Variants in HK1 observed in about 807,000 individuals in gnomAD.
The protein encoded by HK1 is hexokinase-1.
HK1 carries 28 observed loss-of-function variants against 91.6 expected under a neutral mutation model. That is an observed-to-expected ratio of 0.31 (90% confidence interval 0.23 to 0.42). The LOEUF is 0.42. HK1 is among the 10% of genes least tolerant of loss of function. The pLI is 1.00. For missense variants in HK1, 770 were observed against 1,219.8 expected (o/e 0.63, Z 5.49); for synonymous variants, 430 against 468.1 (o/e 0.92, Z 1.05).
chr10:69,288,652 G>T, intron 2 of HK1: 1 of 1,177,084 alleles, frequency 8.5e-7, no homozygotes. Context: ...TGCCTTCTTT[G>T]AACTTGGCCT....
At chr10:69,376,158 C>G (rs975447031) in intron 7 of HK1, among the ~76,000 whole-genome samples, 1 of 152,194 alleles carries the variant, frequency 6.6e-6, no homozygotes, top group African/African-American at 2.4e-5. Flanking sequence ...TTTACCCTTT[C>G]TGAGCTGGGA....
chr10:69,323,650 A>G (rs1210589972), intron 1 of HK1, among the ~76,000 whole-genome samples: 1 of 151,888 alleles, frequency 6.6e-6, no homozygotes, highest in Non-Finnish European at 1.5e-5. Flanking sequence ...TGCCTTTCCT[A>G]CCTTAGATAC....
At chr10:69,329,261 C>G (rs1847563505) in intron 1 of HK1, among the ~76,000 whole-genome samples, 1 of 151,712 alleles carries the variant, frequency 6.6e-6, no homozygotes, top group Admixed American at 6.6e-5. Flanking sequence ...CTCCCGGGTT[C>G]AAGTGATTCT....
chr10:69,382,007 G>A (rs1006564238), intron 9 of HK1, among the ~76,000 whole-genome samples: 26 of 152,256 alleles, frequency 1.7e-4, no homozygotes, highest in African/African-American at 6.3e-4. Context: ...GATTATGAAC[G>A]ATTTCATTTT....
rs139585002 is a variant in HK1 at position 69,389,964 on chromosome 10, C to T, written c.2035+668C>T. On this transcript the variant is annotated intron_variant, in intron 14 of 17. Transcript: ENST00000359426. The stretch of plus-strand genomic sequence containing the variant: ...CATTTGTCCTGCTGGCCCTGCTCCT[C>T]GCGTCAGGGGATGCTGGGAAAGACC... Among the ~76,000 whole-genome samples, 947 of 152,270 alleles carry T rather than the reference C, an allele frequency of 6.2e-3. 7 individuals carry two copies. The highest frequency in any genetic ancestry group is 0.021 in the African/African-American group (879 of 41,546).
chr10:69,381,652 C>T (rs1235663704), intron 9 of HK1, among the ~76,000 whole-genome samples: 2 of 150,674 alleles, frequency 1.3e-5, no homozygotes, highest in Non-Finnish European at 2.9e-5. Flanking sequence ...CTCCCAGGTT[C>T]CAGCAATTCT....
intron 4 of HK1, among the ~76,000 whole-genome samples, chr10:69,366,522 T>TA (rs1849708810): frequency 6.6e-6 from 1 of 152,118 alleles, no homozygotes. Context: ...TCACAGGGCT[T>TA]ATTAATGGCA....
chr10:69,401,320 A>G lies in HK1; in HGVS notation c.*185A>G, dbSNP rs533777683. The stretch of plus-strand genomic sequence containing the variant: ...GAATAGAGCGTGTGCTGTTGATAAT[A>G]TCTCTCACCCGGATCCCTCCTCACT... On this transcript the variant is annotated 3_prime_UTR_variant, in exon 18 of 18. Transcript: ENST00000359426. The G allele has an allele frequency of 1.2e-4, 80 of 671,780 alleles. No individual in the cohort carries two copies. The highest frequency in any genetic ancestry group is 2.0e-4 in the Non-Finnish European group (77 of 392,814). 41.6% of individuals were successfully genotyped at this position (671,780 alleles called of 1,614,324 possible). A position where few individuals can be genotyped will look rare whatever the true frequency, so the allele number is the denominator to read the frequency against.
At chr10:69,382,862 G>C in intron 10 of HK1, 71 bp downstream of exon 10, 1 of 1,496,274 alleles carries the variant, frequency 6.7e-7, no homozygotes, top group Non-Finnish European at 9.2e-7. Context: ...GGGGGAGGTT[G>C]GATTCGCCAG....
chr10:69,340,268 A>G (rs1848222915), intron 1 of HK1, among the ~76,000 whole-genome samples: 1 of 152,144 alleles, frequency 6.6e-6, no homozygotes, highest in Non-Finnish European at 1.5e-5. Context: ...ATTTTTTGAG[A>G]TGGAGTCTTG....
At chr10:69,275,223 A>AC (rs1233871554) in intron 1 of HK1, among the ~76,000 whole-genome samples, 2 of 75,940 alleles carry the variant, frequency 2.6e-5, no homozygotes, top group African/African-American at 7.6e-5. Context: ...AAACCAAAAA[A>AC]CAAAAAACCT....
Position 69,324,360 on chromosome 10 carries a change from G to A in HK1, c.63+5350G>A, listed in dbSNP as rs927722758. Reference sequence around the variant, plus strand: ...AATCCCAGCACTTTGGGAGGCCAAGGCAGGCTGATCATTTGAGGTCAGGAG... The same window carrying A: ...AATCCCAGCACTTTGGGAGGCCAAGACAGGCTGATCATTTGAGGTCAGGAG... On this transcript the variant is annotated intron_variant, in intron 1 of 17. Transcript: ENST00000359426. Among the ~76,000 whole-genome samples the A allele has an allele frequency of 5.9e-5, 9 of 152,248 alleles. No homozygotes were observed. The South Asian group carries it at 1.7e-3, about 28-fold the overall frequency.
chr10:69,375,256 G>A (rs1340142662), intron 7 of HK1, among the ~76,000 whole-genome samples: 1 of 152,230 alleles, frequency 6.6e-6, no homozygotes, highest in Admixed American at 6.5e-5. Context: ...GCCAGATATT[G>A]TAGCACTATC....
intron 1 of HK1, among the ~76,000 whole-genome samples, chr10:69,276,118 A>AAAAAAAAAATATATATATAT: frequency 5.2e-5 from 2 of 38,272 alleles, no homozygotes; most frequent in African/African-American, 7.5e-5. Flanking sequence ...AAAAAAAAAA[A>AAAAAAAAAATATATATATAT]ATACATATAT....
At chr10:69,340,302 G>A (rs989612895) in intron 1 of HK1, among the ~76,000 whole-genome samples, 48 of 152,264 alleles carry the variant, frequency 3.2e-4, no homozygotes, top group Middle Eastern at 6.8e-3. Context: ...GCTGGAGTGC[G>A]ATGGCGCGAT....
intron 4 of HK1, among the ~76,000 whole-genome samples, chr10:69,367,036 C>A (rs1463683783): frequency 6.6e-6 from 1 of 152,166 alleles, no homozygotes; most frequent in East Asian, 1.9e-4. Context: ...GCAGATGTAG[C>A]CTGTTCCCCA....
chr10:69,305,767 C>T (rs1846072297), intron 5 of HK1, among the ~76,000 whole-genome samples: 1 of 151,054 alleles, frequency 6.6e-6, no homozygotes, highest in Admixed American at 6.6e-5. Context: ...GGAGGAGAAT[C>T]GTTTGAACCC....
At position 69,280,026 on chromosome 10, in the gene HK1, G is replaced by A. The variant is rs545102911; in HGVS notation, c.-390-2503G>A. The stretch of plus-strand genomic sequence containing the variant: ...GGGCAGACACGAGGAAGGATGAAAG[G>A]ATTGACCTGCGAGAATCTAGAGAAC... On this transcript the variant is annotated intron_variant, in intron 1 of 21. Transcript: ENST00000360289. 2.2e-4 allele frequency among the ~76,000 whole-genome samples: 33 copies of A among 152,336 alleles called. No homozygotes were observed. Among genetic ancestry groups the A allele is most frequent in the Middle Eastern group, 3.4e-3 (1 of 294 alleles).
intron 1 of HK1, among the ~76,000 whole-genome samples, chr10:69,276,118 A>AAAATATATATATAT: frequency 0.012 from 452 of 38,208 alleles, 82 homozygotes; most frequent in Non-Finnish European, 0.019. Flanking sequence ...AAAAAAAAAA[A>AAAATATATATATAT]ATACATATAT....
Sources: allele counts gnomAD v4.1 joint callset (sites outside exome capture counted in the v4.1 genomes callset), GRCh38; gene constraint gnomAD v4.1.1; transcripts MANE v1.5; gene names NCBI Gene and HGNC (gene_info 2026-07-23, HGNC 2026-07-21).